The following SNX29 variants were observed in gnomAD, a reference collection of about 807,000 sequenced individuals.
SNX29 encodes the protein sorting nexin-29.
In SNX29, 78 loss-of-function variants were observed where a neutral mutation model predicts 102.1. The ratio of observed to expected loss-of-function variants is 0.76; its 90% CI spans 0.64 to 0.92. The LOEUF (loss-of-function observed/expected upper bound fraction) is 0.92, where lower values mean the gene tolerates loss of function less well. Among genes scored for constraint, SNX29 ranks in the 40% least tolerant of loss-of-function variants. SNX29 has a pLI of 0.00. For missense variants in SNX29, 1,280 were observed against 1,061.7 expected, an observed-to-expected ratio of 1.21 and a Z score of -2.86; for synonymous variants, 580 against 414.5, an observed-to-expected ratio of 1.40 and a Z score of -4.85.
chr16:12,538,045 A>C, intron 20 of SNX29, among the ~76,000 whole-genome samples: 1 of 152,064 alleles, frequency 6.6e-6, no homozygotes, highest in East Asian at 1.9e-4. Flanking sequence ...GTCCTGCTAA[A>C]GTATAATCGA....
At chr16:12,401,058 C>T (rs894205979) in intron 17 of SNX29, among the ~76,000 whole-genome samples, 2 of 152,120 alleles carry the variant, frequency 1.3e-5, no homozygotes, top group African/African-American at 2.4e-5. Context: ...GTCTCGATCT[C>T]CTGACCTCGT....
chr16:12,204,140 C>G (rs1312763170), intron 14 of SNX29, among the ~76,000 whole-genome samples: 1 of 152,150 alleles, frequency 6.6e-6, no homozygotes, highest in South Asian at 2.1e-4. Flanking sequence ...ACAGAAAGAG[C>G]AGCTGAGCTG....
chr16:12,155,703 G>C (rs1339151007), intron 13 of SNX29, among the ~76,000 whole-genome samples: 2 of 152,188 alleles, frequency 1.3e-5, no homozygotes, highest in Admixed American at 1.3e-4. Flanking sequence ...GGTAGATGCA[G>C]CTGGGAGTGT....
At chr16:12,174,050 G>A (rs2076207979) in intron 13 of SNX29, among the ~76,000 whole-genome samples, 1 of 152,182 alleles carries the variant, frequency 6.6e-6, no homozygotes, top group South Asian at 2.1e-4. Context: ...CCAAAGTGTT[G>A]GGATTACAGA....
intron 13 of SNX29, among the ~76,000 whole-genome samples, chr16:12,167,689 T>C (rs909021631): frequency 6.6e-6 from 1 of 152,142 alleles, no homozygotes; most frequent in African/African-American, 2.4e-5. Context: ...ACTGCCCTCT[T>C]AGAGATGTGG....
At chr16:12,568,278 G>T (rs1044555600) in intron 20 of SNX29, among the ~76,000 whole-genome samples, 17 of 148,338 alleles carry the variant, frequency 1.1e-4, no homozygotes, top group African/African-American at 4.3e-4. Context: ...TCACAGCCAA[G>T]CTTGGTTGGA....
intron 18 of SNX29, among the ~76,000 whole-genome samples, chr16:12,407,581 C>T (rs570087947): frequency 6.6e-6 from 1 of 152,204 alleles, no homozygotes; most frequent in Admixed American, 6.5e-5. Context: ...TAACAAATAC[C>T]AGTATAATAA....
intron 19 of SNX29, among the ~76,000 whole-genome samples, chr16:12,498,831 A>G (rs1185513634): frequency 3.3e-5 from 5 of 152,212 alleles, no homozygotes; most frequent in Admixed American, 1.3e-4. Flanking sequence ...CAACAAAAGT[A>G]AAATTGCTCA....
At chr16:12,417,069 T>C (rs8046923) in intron 18 of SNX29, among the ~76,000 whole-genome samples, 85,261 of 151,912 alleles carry the variant, frequency 0.56, 24,447 homozygotes, top group Non-Finnish European at 0.63. Context: ...GCCTCCCAGG[T>C]GCAGCCAGGG....
intron 14 of SNX29, among the ~76,000 whole-genome samples, chr16:12,250,128 G>T (rs527415620): frequency 6.6e-6 from 1 of 152,318 alleles, no homozygotes; most frequent in South Asian, 2.1e-4. Context: ...CATAAAACCA[G>T]CCTTGAAGGG....
chr16:12,050,878 A>ATT (rs530304484), intron 7 of SNX29, among the ~76,000 whole-genome samples: 1 of 145,022 alleles, frequency 6.9e-6, no homozygotes. Context: ...CGCCCAACTA[A>ATT]TTTTTTTTTT....
chr16:12,470,979 C>G (rs933059899), intron 18 of SNX29, among the ~76,000 whole-genome samples: 1 of 152,174 alleles, frequency 6.6e-6, no homozygotes, highest in Admixed American at 6.5e-5. Context: ...GTGTCATCCC[C>G]AGGGTCACAG....
At position 12,540,756 on chromosome 16, in the gene SNX29, A is replaced by AC. The variant is rs1242096253; in HGVS notation, c.2318+15917dup. Reference sequence around the variant, plus strand: ...GCATCCTTGGGGCACCATTGATCTTACCGCCACCTCCCCTAGAGTGTCAGG... The same window carrying AC: ...GCATCCTTGGGGCACCATTGATCTTACCCGCCACCTCCCCTAGAGTGTCAGG... On this transcript the variant is annotated intron_variant, in intron 20 of 20. Coordinates refer to ENST00000566228, the MANE Select transcript of SNX29 (RefSeq NM_032167.5). 4.6e-5 allele frequency among the ~76,000 whole-genome samples: 7 copies of AC among 152,318 alleles called. No homozygotes were observed. The East Asian group carries it at 1.4e-3, about 29-fold the overall frequency.
intron 19 of SNX29, among the ~76,000 whole-genome samples, chr16:12,479,378 A>G (rs980427983): frequency 1.3e-5 from 2 of 152,246 alleles, no homozygotes; most frequent in Non-Finnish European, 2.9e-5. Flanking sequence ...TGGGAATTTC[A>G]TAGGGAAATC....
chr16:12,456,256 A>G (rs9922262), intron 18 of SNX29, among the ~76,000 whole-genome samples: 2,300 of 152,350 alleles, frequency 0.015, 66 homozygotes, highest in African/African-American at 0.053. Flanking sequence ...ACAGCAAGCC[A>G]TCAATAAATA....
At chr16:12,045,541 G>A (rs1410049607) in intron 5 of SNX29, among the ~76,000 whole-genome samples, 1 of 151,660 alleles carries the variant, frequency 6.6e-6, no homozygotes, top group Non-Finnish European at 1.5e-5. Flanking sequence ...TATTTGTGGG[G>A]CATTTTTAGC....
intron 16 of SNX29, among the ~76,000 whole-genome samples, chr16:12,371,785 C>T (rs1404880022): frequency 4.6e-5 from 7 of 152,188 alleles, no homozygotes; most frequent in Non-Finnish European, 7.3e-5. Context: ...TATTTTTTAG[C>T]TTTGTTTTAA....
intron 19 of SNX29, among the ~76,000 whole-genome samples, chr16:12,493,662 G>C (rs148776878): frequency 1.1e-4 from 16 of 152,172 alleles, no homozygotes; most frequent in Non-Finnish European, 2.1e-4. Flanking sequence ...CACGATCTCG[G>C]CTCACTGCAA....
intron 20 of SNX29, among the ~76,000 whole-genome samples, chr16:12,547,032 ATC>A (rs60690667): frequency 0.057 from 8,733 of 152,246 alleles, 446 homozygotes; most frequent in East Asian, 0.18. Flanking sequence ...CAGATAAAGC[ATC>A]TGTTTTCATG....
Sources: gnomAD v4.1 joint callset for allele counts (sites outside exome capture counted in the v4.1 genomes callset) on GRCh38, gnomAD v4.1.1 for gene constraint, MANE v1.5 for transcripts, NCBI Gene and HGNC (gene_info 2026-07-23, HGNC 2026-07-21) for gene names.